The following TRPA1 variants were observed in gnomAD, a reference collection of about 807,000 sequenced individuals.
TRPA1 encodes ankyrin-like with transmembrane domains 1.
TRPA1 carries 129 observed loss-of-function variants against 131.3 expected under a neutral mutation model. The ratio of observed to expected loss-of-function variants is 0.98; its 90% CI spans 0.85 to 1.14. The LOEUF (loss-of-function observed/expected upper bound fraction) is 1.14, where lower values mean the gene tolerates loss of function less well. Among genes scored for constraint, TRPA1 ranks in the 50% most tolerant of loss-of-function variants. The pLI is 0.00. For synonymous variants in TRPA1, 441 were observed against 451.7 expected (o/e 0.98, Z 0.30); for missense variants, 1,304 against 1,354.2 (o/e 0.96, Z 0.58).
At chr8:72,069,686 T>C (rs1806013524) in intron 2 of TRPA1, among the ~76,000 whole-genome samples, 1 of 151,706 alleles carries the variant, frequency 6.6e-6, no homozygotes. Flanking sequence ...TAAGGAAGTA[T>C]GAAAGTTACC....
chr8:72,036,212 T>C, intron 21 of TRPA1, 76 bp downstream of exon 21: 1 of 1,478,502 alleles, frequency 6.8e-7, no homozygotes, highest in Non-Finnish European at 9.3e-7. Context: ...GTTTTAAATT[T>C]ACACCAGGTA....
Position 72,028,955 on chromosome 8 carries a change from G to A in TRPA1, c.2937+946C>T, listed in dbSNP as rs146943685. Among the ~76,000 whole-genome samples the A allele has an allele frequency of 2.6e-3, 402 of 152,290 alleles. 4 individuals are homozygous for A. Among genetic ancestry groups the A allele is most frequent in the African/African-American group, 8.8e-3 (364 of 41,552 alleles). ...CAAACTGGCCAAAGTTTCTGAATGCGTATAGTCAACTGGTCACCAAATATC... is the reference window on the plus strand; with the variant it reads ...CAAACTGGCCAAAGTTTCTGAATGCATATAGTCAACTGGTCACCAAATATC... On this transcript the variant is annotated intron_variant, in intron 24 of 26. Transcript: ENST00000262209.
In TRPA1 at chr8:72,045,854, C is replaced by A. The variant is rs142444377; in HGVS notation, c.2061+659G>T. On this transcript the variant is annotated intron_variant, in intron 17 of 26. Transcript: ENST00000262209. ...GCTTCATTGGCTAGAAACATAAAAGCATCTTTTTAAATAATAGCTACTTTT... is the reference window on the plus strand; with the variant it reads ...GCTTCATTGGCTAGAAACATAAAAGAATCTTTTTAAATAATAGCTACTTTT... Among the ~76,000 whole-genome samples the A allele has an allele frequency of 1.7e-4, 26 of 151,976 alleles. No individual in the cohort carries two copies. The East Asian group carries it at 4.5e-3, about 26-fold the overall frequency.
the TRPA1 span, among the ~76,000 whole-genome samples, chr8:72,088,243 G>C: frequency 6.6e-6 from 1 of 151,566 alleles, no homozygotes; most frequent in Non-Finnish European, 1.5e-5. Context: ...TTTTGCTTCA[G>C]TTTAACAACT....
chr8:72,071,700 T>G lies in TRPA1; in HGVS notation c.268+11A>C. On this transcript the variant is annotated intron_variant, in intron 2 of 26. Coordinates refer to ENST00000262209, the MANE Select transcript of TRPA1 (RefSeq NM_007332.3). ...ATGATTTCTGGAAGATGAATTGTAA[T>G]ATTTTGTTACCTTCCAAAGAGGAAT... The G allele has an allele frequency of 1.2e-6, 2 of 1,613,482 alleles. No homozygotes were observed. The highest frequency in any genetic ancestry group is 8.5e-7 in the Non-Finnish European group (1 of 1,179,648).
At chr8:72,032,206 G>A (rs1395945782) in intron 23 of TRPA1, among the ~76,000 whole-genome samples, 1 of 152,204 alleles carries the variant, frequency 6.6e-6, no homozygotes. Context: ...TAAAGCTTTT[G>A]AAGAGGCATG....
rs768645465 is a variant in TRPA1 at position 72,046,563 on chromosome 8, T to A, written c.2011A>T (p.Lys671Ter). ...KYLQCPLEFT[K>*]KTPTQDVIYE... ...ATAACATCCTGTGTAGGTGTTTTTTTGGTGAATTCTAATGGACATTGAAGA... is the reference window on the plus strand; with the variant it reads ...ATAACATCCTGTGTAGGTGTTTTTTAGGTGAATTCTAATGGACATTGAAGA... The change falls in exon 17 of 27, where the codon AAA (lysine) becomes TAA (stop). Residue 671 changes from lysine (K) to a stop codon, truncating the protein, a stop_gained. Transcript: ENST00000262209. LOFTEE classifies it high-confidence loss of function. 22 of 1,601,422 alleles carry A rather than the reference T, an allele frequency of 1.4e-5. No homozygotes were observed. Among genetic ancestry groups the A allele is most frequent in the Non-Finnish European group, 1.8e-5 (21 of 1,171,140 alleles).
chr8:72,088,140 C>T, the TRPA1 span, among the ~76,000 whole-genome samples: 8 of 152,188 alleles, frequency 5.3e-5, no homozygotes, highest in African/African-American at 7.2e-5. Context: ...ATGCTTGAAG[C>T]TGTCTTTGTA....
At chr8:72,068,112 C>G (rs897987101) in intron 3 of TRPA1, among the ~76,000 whole-genome samples, 6 of 152,154 alleles carry the variant, frequency 3.9e-5, no homozygotes. Flanking sequence ...CCTCTCAAAC[C>G]TTTTATGCCA....
rs574795377 is a variant in TRPA1 at position 72,056,961 on chromosome 8, G to A, written c.1150C>T (p.Gln384Ter). 4.3e-6 allele frequency: 7 copies of A among 1,609,588 alleles called. No homozygotes were observed. The highest frequency in any genetic ancestry group is 2.2e-5 in the East Asian group (1 of 44,642). Residue 384 changes from glutamine to a stop codon, truncating the protein, a stop_gained, in exon 10 of 27, where the codon CAG becomes TAG. Coordinates refer to ENST00000262209, the MANE Select transcript of TRPA1 (RefSeq NM_007332.3). LOFTEE classifies it high-confidence loss of function. ...FGRNFLHLTV[Q>*]QPYGLKNLRP... ...AGATTTTTTAATCCATAAGGTTGCT[G>A]TACAGTTAAATGCAGAAAATTACGT...
rs1326023466 is a variant in TRPA1, at chr8:72,025,952, G to A, written c.3051+8C>T. ...TTACTGATGTTGTTATTTGTTATGTGTACTTACGAATAACATCCCACCAGA... is the reference window on the plus strand; with the variant it reads ...TTACTGATGTTGTTATTTGTTATGTATACTTACGAATAACATCCCACCAGA... On this transcript the variant is annotated splice_region_variant and intron_variant, in intron 25 of 26. Transcript: ENST00000262209. The A allele has an allele frequency of 5.2e-5, 83 of 1,599,890 alleles. No individual in the cohort carries two copies. The highest frequency in any genetic ancestry group is 6.7e-5 in the Non-Finnish European group (78 of 1,167,376).
rs147401982 is a variant in TRPA1 at position 72,064,143 on chromosome 8, T to C, written c.553-572A>G. Among the ~76,000 whole-genome samples the C allele has an allele frequency of 3.4e-3, 524 of 152,058 alleles. 2 individuals are homozygous for C. The highest frequency in any genetic ancestry group is 6.8e-3 in the Admixed American group (104 of 15,280). ...TTCAGTTTTAAGTACCTCTAATTAC[T>C]ACAAGAAATTATTGTGAAAAAGTAG... On this transcript the variant is annotated intron_variant, in intron 4 of 26. Coordinates refer to ENST00000262209, the MANE Select transcript of TRPA1 (RefSeq NM_007332.3).
chr8:72,052,566 C>T (rs1766215199), intron 14 of TRPA1, 33 bp downstream of exon 14: 1 of 1,612,524 alleles, frequency 6.2e-7, no homozygotes, highest in Non-Finnish European at 8.5e-7. Context: ...CACCAGAGAA[C>T]ACTAAATGAC....
chr8:72,053,778 C>G lies in TRPA1; in HGVS notation c.1619G>C (p.Cys540Ser), dbSNP rs1805589385. ...CCCGTCTTCATCCAGGCGATCTGTGCACTTCAAATTAGTATCAAGAATGAC... is the reference window on the plus strand; with the variant it reads ...CCCGTCTTCATCCAGGCGATCTGTGGACTTCAAATTAGTATCAAGAATGAC... ...MKVILDTNLK[C>S]TDRLDEDGNT... Residue 540 changes from cysteine to serine, a missense_variant, in exon 13 of 27, where the codon TGC becomes TCC. Transcript: ENST00000262209. 2 of 1,612,364 alleles carry G rather than the reference C, an allele frequency of 1.2e-6. No individual in the cohort carries two copies. Among genetic ancestry groups the G allele is most frequent in the African/African-American group, 1.3e-5 (1 of 74,856 alleles).
At chr8:72,046,456 TAAAA>T (rs11349767) in intron 17 of TRPA1, 53 bp downstream of exon 17, 1 of 831,504 alleles carries the variant, frequency 1.2e-6, no homozygotes, top group Non-Finnish European at 1.8e-6. Flanking sequence ...TAAAGTATAA[TAAAA>T]AAAAAAAAAG....
intron 20 of TRPA1, 119 bp from the exon 21 acceptor site, chr8:72,036,576 A>G (rs1812059838): frequency 3.3e-6 from 3 of 903,104 alleles, no homozygotes; most frequent in Non-Finnish European, 1.7e-6. Flanking sequence ...GGAGAAGTTT[A>G]GGACCAAGGA....
At chr8:72,063,414 C>A in intron 5 of TRPA1, 49 bp downstream of exon 5, 5 of 1,359,632 alleles carry the variant, frequency 3.7e-6, no homozygotes, top group Non-Finnish European at 5.2e-6. Context: ...ATAGCATCCA[C>A]CAAAATAGAC....
At chr8:72,084,868 T>A in the TRPA1 span, among the ~76,000 whole-genome samples, 4 of 152,016 alleles carry the variant, frequency 2.6e-5, no homozygotes, top group African/African-American at 9.7e-5. Context: ...GCCAGGCTGG[T>A]CTCGAACTCC....
rs1805839869 is a variant in TRPA1 at position 72,062,875 on chromosome 8, T to A, written c.731A>T (p.His244Leu). ...FMNNGKATPL[H>L]LAVQNGDLEM... The stretch of plus-strand genomic sequence containing the variant: ...CAAGTCACCATTTTGCACAGCCAGG[T>A]GGAGAGGGGTGGCTTTCCCATTATT... The change falls in exon 6 of 27, where the codon CAC becomes CTC. Residue 244 changes from histidine (H) to leucine (L), a missense_variant. His to Leu is a moderately conservative substitution (Grantham distance 99, BLOSUM62 -3). Transcript: ENST00000262209. 1 of 1,613,716 alleles carries A rather than the reference T, an allele frequency of 6.2e-7. No individual in the cohort carries two copies. Among genetic ancestry groups the A allele is most frequent in the Non-Finnish European group, 8.5e-7 (1 of 1,179,932 alleles).
Sources: gnomAD v4.1 joint callset for allele counts (sites outside exome capture counted in the v4.1 genomes callset) on GRCh38, gnomAD v4.1.1 for gene constraint, MANE v1.5 for transcripts, NCBI Gene and HGNC (gene_info 2026-07-23, HGNC 2026-07-21) for gene names.